The following PSD3 variants were observed in gnomAD, a reference collection of about 807,000 sequenced individuals.
PSD3 encodes PH and SEC7 domain-containing protein 3.
In PSD3, 49 loss-of-function variants were observed where a neutral mutation model predicts 105.5. That is an observed-to-expected ratio of 0.46 (90% confidence interval 0.37 to 0.59). The LOEUF (loss-of-function observed/expected upper bound fraction) is 0.59, where lower values mean the gene tolerates loss of function less well. Ranked by LOEUF, PSD3 falls within the 20% of genes least tolerant of loss-of-function variation. The pLI is 0.00. For missense variants in PSD3, 1,561 were observed against 1,263.8 expected, an observed-to-expected ratio of 1.24 and a Z score of -3.57; for synonymous variants, 557 against 457.8, an observed-to-expected ratio of 1.22 and a Z score of -2.77.
intron 4 of PSD3, among the ~76,000 whole-genome samples, chr8:18,824,180 T>C (rs1028817829): frequency 6.6e-6 from 1 of 151,906 alleles, no homozygotes; most frequent in African/African-American, 2.4e-5. Flanking sequence ...TCTAAGAAAA[T>C]CAGTAACTTT....
intron 1 of PSD3, among the ~76,000 whole-genome samples, chr8:19,034,289 A>G (rs1002923410): frequency 1.3e-5 from 2 of 152,224 alleles, no homozygotes; most frequent in Non-Finnish European, 2.9e-5. Flanking sequence ...TATAGCAAGA[A>G]TACAATATAG....
chr8:18,924,289 A>T (rs1821224099), intron 2 of PSD3, among the ~76,000 whole-genome samples: 1 of 152,224 alleles, frequency 6.6e-6, no homozygotes, highest in Non-Finnish European at 1.5e-5. Flanking sequence ...TGGAGAACAT[A>T]TGGTCAGTTT....
At chr8:18,766,475 A>G (rs1057393479) in intron 8 of PSD3, among the ~76,000 whole-genome samples, 2 of 152,232 alleles carry the variant, frequency 1.3e-5, no homozygotes, top group Non-Finnish European at 2.9e-5. Context: ...ATAATGTAGA[A>G]AAAAACTTGA....
At chr8:18,837,323 C>G (rs1197085382) in intron 4 of PSD3, among the ~76,000 whole-genome samples, 1 of 152,168 alleles carries the variant, frequency 6.6e-6, no homozygotes, top group African/African-American at 2.4e-5. Flanking sequence ...GTAAGCAAGT[C>G]TTCCTGACAC....
At chr8:18,759,288 G>C (rs1002737177) in intron 9 of PSD3, among the ~76,000 whole-genome samples, 1 of 152,022 alleles carries the variant, frequency 6.6e-6, no homozygotes, top group Non-Finnish European at 1.5e-5. Context: ...ATATTGATTG[G>C]TATCTGTAAG....
chr8:19,064,904 G>A (rs1209686546), intron 1 of PSD3, among the ~76,000 whole-genome samples: 1 of 152,152 alleles, frequency 6.6e-6, no homozygotes, highest in Non-Finnish European at 1.5e-5. Context: ...AAACTTCATA[G>A]GAGGCCATTG....
chr8:18,607,046 T>A (rs1241489131), intron 11 of PSD3, among the ~76,000 whole-genome samples: 1 of 152,134 alleles, frequency 6.6e-6, no homozygotes, highest in Non-Finnish European at 1.5e-5. Flanking sequence ...CATTAAGAAA[T>A]AGAAAATATC....
chr8:19,022,205 C>T (rs1015250488), intron 1 of PSD3, among the ~76,000 whole-genome samples: 2 of 152,152 alleles, frequency 1.3e-5, no homozygotes, highest in African/African-American at 2.4e-5. Context: ...AGGGATCTGT[C>T]CCCATGATTC....
At chr8:18,790,319 T>C (rs1809583377) in intron 8 of PSD3, among the ~76,000 whole-genome samples, 1 of 150,904 alleles carries the variant, frequency 6.6e-6, no homozygotes, top group Non-Finnish European at 1.5e-5. Flanking sequence ...TTTTTTTTTT[T>C]TTGAGACGGA....
intron 8 of PSD3, among the ~76,000 whole-genome samples, chr8:18,784,620 A>G (rs776463569): frequency 6.6e-6 from 1 of 152,104 alleles, no homozygotes; most frequent in Non-Finnish European, 1.5e-5. Context: ...ATCTGGGTTT[A>G]ATTTACTAGG....
At chr8:18,843,720 T>C (rs998680043) in intron 4 of PSD3, among the ~76,000 whole-genome samples, 4 of 152,134 alleles carry the variant, frequency 2.6e-5, no homozygotes, top group Admixed American at 6.5e-5. Flanking sequence ...GGAACTAATA[T>C]CAAAAGCATG....
At chr8:18,614,333 TCCC>T (rs1805490145) in intron 11 of PSD3, among the ~76,000 whole-genome samples, 1 of 139,814 alleles carries the variant, frequency 7.2e-6, no homozygotes, top group Admixed American at 7.1e-5. Flanking sequence ...TAACCCCTTC[TCCC>T]CCATCCCCCC....
At chr8:18,781,837 T>A (rs1423231868) in intron 8 of PSD3, among the ~76,000 whole-genome samples, 1 of 152,172 alleles carries the variant, frequency 6.6e-6, no homozygotes, top group Non-Finnish European at 1.5e-5. Flanking sequence ...AACTGAAAAT[T>A]CCACTATTTC....
Position 19,079,416 on chromosome 8 carries a change from T to C in PSD3, c.324+4790A>G, listed in dbSNP as rs143639080. 1.3e-4 allele frequency among the ~76,000 whole-genome samples: 19 copies of C among 150,044 alleles called. No homozygotes were observed. The East Asian group carries it at 3.7e-3, about 29-fold the overall frequency. On this transcript the variant is annotated intron_variant, in intron 1 of 1. Transcript: ENST00000521475. The stretch of plus-strand genomic sequence containing the variant: ...ACTATGTGAGCATTTGTGCATGCTC[T>C]TTCTTTGTTCTAGTTTCTTTTATAA...
intron 1 of PSD3, among the ~76,000 whole-genome samples, chr8:18,978,312 C>T (rs535763812): frequency 6.6e-6 from 1 of 152,326 alleles, no homozygotes; most frequent in East Asian, 1.9e-4. Flanking sequence ...ATAACTAAAA[C>T]ATTCAAAATA....
intron 15 of PSD3, among the ~76,000 whole-genome samples, chr8:18,555,047 T>C (rs1800982855): frequency 6.6e-6 from 1 of 151,982 alleles, no homozygotes; most frequent in Non-Finnish European, 1.5e-5. Context: ...GAAATGAGAC[T>C]TTCTTCAGGA....
chr8:18,810,382 C>G (rs1469297785), intron 4 of PSD3, among the ~76,000 whole-genome samples: 1 of 152,114 alleles, frequency 6.6e-6, no homozygotes, highest in Non-Finnish European at 1.5e-5. Context: ...TTCACTGTAG[C>G]TAATCCTGGA....
chr8:19,008,904 T>C (rs547378671), intron 1 of PSD3, among the ~76,000 whole-genome samples: 3 of 152,192 alleles, frequency 2.0e-5, no homozygotes, highest in African/African-American at 4.8e-5. Context: ...CCCCAGCTCA[T>C]GGGAAGAAAT....
At chr8:18,953,914 A>G (rs1823398769) in intron 1 of PSD3, among the ~76,000 whole-genome samples, 1 of 152,194 alleles carries the variant, frequency 6.6e-6, no homozygotes, top group Non-Finnish European at 1.5e-5. Flanking sequence ...TAAGACACAC[A>G]TATATACATA....
Sources: gnomAD v4.1 joint callset for allele counts (sites outside exome capture counted in the v4.1 genomes callset) on GRCh38, gnomAD v4.1.1 for gene constraint, MANE v1.5 for transcripts, NCBI Gene and HGNC (gene_info 2026-07-23, HGNC 2026-07-21) for gene names.